The following PACSIN1 variants were observed in gnomAD, a reference collection of about 807,000 sequenced individuals.
The protein encoded by PACSIN1 is protein kinase C and casein kinase substrate in neurons 1.
Under a neutral mutation model 59.5 loss-of-function variants are expected in PACSIN1, and 15 were observed. The ratio of observed to expected loss-of-function variants is 0.25; its 90% CI spans 0.17 to 0.39. The LOEUF is 0.39. PACSIN1 is among the 10% of genes least tolerant of loss of function. The probability of loss-of-function intolerance (pLI) is 1.00; values close to 1 mark genes in which losing one functional copy is unlikely to be tolerated. For missense variants in PACSIN1, 420 were observed against 580.2 expected, an observed-to-expected ratio of 0.72 and a Z score of 2.84; for synonymous variants, 210 against 220.6, an observed-to-expected ratio of 0.95 and a Z score of 0.42.
intron 1 of PACSIN1, among the ~76,000 whole-genome samples, chr6:34,497,021 T>C (rs1263089158): frequency 7.1e-6 from 1 of 141,750 alleles, no homozygotes; most frequent in Non-Finnish European, 1.5e-5. Flanking sequence ...CAATCTCGGC[T>C]CACTGCATCC....
rs1478505446 is a variant in PACSIN1 at position 34,488,100 on chromosome 6, G to A, written c.-64+21830G>A. Reference sequence around the variant, plus strand: ...TCCCTCTTCAATGACCCTGACCTTGGCCAGCACCTCTGTTGGTCTGGGTGG... The same window carrying A: ...TCCCTCTTCAATGACCCTGACCTTGACCAGCACCTCTGTTGGTCTGGGTGG... On this transcript the variant is annotated intron_variant, in intron 1 of 9. Transcript: ENST00000244458. This position sits in a 1 kb window ranked among gnomAD's most constrained non-coding sequence, Gnocchi z 4.7. 2.6e-5 allele frequency among the ~76,000 whole-genome samples: 4 copies of A among 152,128 alleles called. No individual in the cohort carries two copies. Among genetic ancestry groups the A allele is most frequent in the Non-Finnish European group, 4.4e-5 (3 of 68,028 alleles).
At position 34,525,795 on chromosome 6, in the gene PACSIN1, G is replaced by A. The variant is rs1025703397; in HGVS notation, c.-63-448G>A. 4.1e-5 allele frequency among the ~76,000 whole-genome samples: 6 copies of A among 146,872 alleles called. No homozygotes were observed. The highest frequency in any genetic ancestry group is 2.2e-4 in the South Asian group (1 of 4,470). On this transcript the variant is annotated intron_variant, in intron 1 of 9. Coordinates refer to ENST00000244458, the MANE Select transcript of PACSIN1 (RefSeq NM_020804.5). This position sits in a 1 kb window ranked among gnomAD's most constrained non-coding sequence, Gnocchi z 4.9. ...CATAGATCTCGGTGGTGTGACCTGT[G>A]GGCCAGGACACCACACATTTGGGAC...
intron 1 of PACSIN1, among the ~76,000 whole-genome samples, chr6:34,487,171 A>C (rs956703085): frequency 6.6e-6 from 1 of 152,078 alleles, no homozygotes; most frequent in African/African-American, 2.4e-5. Flanking sequence ...ACCCTGTCTC[A>C]ATCAGTCAAT....
chr6:34,470,821 G>T (rs1472418083), intron 1 of PACSIN1, among the ~76,000 whole-genome samples: 1 of 152,060 alleles, frequency 6.6e-6, no homozygotes, highest in Non-Finnish European at 1.5e-5. Flanking sequence ...CAACAAATGT[G>T]TTTTTGTTGT....
In PACSIN1 at chr6:34,527,459, C is replaced by A. The variant is rs1161563472; in HGVS notation, c.191C>A (p.Ala64Asp). ...KAYGQQLTDW[A>D]KRWRQLIEKG... is the part of the protein sequence containing the mutation. The stretch of plus-strand genomic sequence containing the variant: ...TACGGGCAGCAGCTCACCGACTGGG[C>A]CAAGCGTTGGCGCCAGCTCATCGAG... The change falls in exon 3 of 10, where the codon GCC becomes GAC. Residue 64 changes from alanine (A) to aspartate (D), a missense_variant. Coordinates refer to ENST00000244458, the MANE Select transcript of PACSIN1 (RefSeq NM_020804.5). The A allele has an allele frequency of 6.3e-7, 1 of 1,595,892 alleles. No individual in the cohort carries two copies.
rs1199644495 is a variant in PACSIN1 at position 34,531,869 on chromosome 6, A to G, written c.1225+82A>G. ...TGGTGGTGCAGGGGCGGTGCCTGAG[A>G]GAGAAGCTTGGGTCTGGATTGGGTG... On this transcript the variant is annotated intron_variant, in intron 9 of 9. Coordinates refer to ENST00000244458, the MANE Select transcript of PACSIN1 (RefSeq NM_020804.5). This position sits in a 1 kb window ranked among gnomAD's most constrained non-coding sequence, Gnocchi z 4.4. 2.0e-5 allele frequency: 27 copies of G among 1,358,564 alleles called. No homozygotes were observed. Among genetic ancestry groups the G allele is most frequent in the Middle Eastern group, 2.1e-4 (1 of 4,780 alleles). The allele number at this position is 1,358,564 out of a possible 1,614,324, so 84.2% of individuals were successfully genotyped here.
chr6:34,523,841 A>T (rs2127271377), intron 1 of PACSIN1, among the ~76,000 whole-genome samples: 1 of 152,354 alleles, frequency 6.6e-6, no homozygotes, highest in Admixed American at 6.5e-5. Context: ...ACGGGGGTCC[A>T]CATGCTGTCT....
At chr6:34,489,246 C>T (rs927868799) in intron 1 of PACSIN1, among the ~76,000 whole-genome samples, 19 of 151,768 alleles carry the variant, frequency 1.3e-4, no homozygotes, top group Middle Eastern at 3.2e-3. Context: ...TGTGGAATGT[C>T]TAAATCAAGC....
intron 1 of PACSIN1, among the ~76,000 whole-genome samples, chr6:34,523,477 G>A (rs1767432097): frequency 6.6e-6 from 1 of 152,228 alleles, no homozygotes; most frequent in Non-Finnish European, 1.5e-5. Flanking sequence ...CATGTGAATG[G>A]TATGTGCCCA....
intron 1 of PACSIN1, among the ~76,000 whole-genome samples, chr6:34,471,980 T>C (rs1317439035): frequency 6.6e-6 from 1 of 152,154 alleles, no homozygotes. Flanking sequence ...GCGGAGCTTA[T>C]TACCAGTGTG....
chr6:34,510,318 A>G lies in PACSIN1; in HGVS notation c.-63-15925A>G, dbSNP rs1016388541. 3.9e-5 allele frequency among the ~76,000 whole-genome samples: 6 copies of G among 152,316 alleles called. No individual in the cohort carries two copies. The East Asian group carries it at 1.2e-3, about 29-fold the overall frequency. ...GTTTGGATCCCTTTCTCCCCGTGCT[A>G]AAAAATACCAATGGCTTCCCTTCAT... On this transcript the variant is annotated intron_variant, in intron 1 of 9. Transcript: ENST00000244458.
intron 1 of PACSIN1, among the ~76,000 whole-genome samples, chr6:34,504,284 ATATATATTTT>A (rs1239358853): frequency 1.2e-5 from 1 of 80,136 alleles, no homozygotes. Flanking sequence ...ATATATATAT[ATATATATTTT>A]TTTTTTTTTT....
intron 1 of PACSIN1, among the ~76,000 whole-genome samples, chr6:34,522,466 G>A (rs1052053328): frequency 3.3e-5 from 5 of 152,166 alleles, no homozygotes; most frequent in African/African-American, 1.2e-4. Flanking sequence ...TCCAGACCCT[G>A]GGCTCAAATC....
chr6:34,511,095 T>C (rs562185076), intron 1 of PACSIN1, among the ~76,000 whole-genome samples: 1 of 152,314 alleles, frequency 6.6e-6, no homozygotes, highest in South Asian at 2.1e-4. Flanking sequence ...CTCCCTGAGG[T>C]TATGGACATC....
intron 1 of PACSIN1, among the ~76,000 whole-genome samples, chr6:34,485,546 C>T (rs1425219544): frequency 6.6e-6 from 1 of 152,144 alleles, no homozygotes; most frequent in Non-Finnish European, 1.5e-5. Context: ...CAAAGGCCAG[C>T]GTTGGAGCAG....
intron 1 of PACSIN1, among the ~76,000 whole-genome samples, chr6:34,509,371 C>T (rs1352851596): frequency 6.6e-6 from 1 of 152,128 alleles, no homozygotes; most frequent in Non-Finnish European, 1.5e-5. Flanking sequence ...CATTCTGTTC[C>T]ATTGGTCTGT....
At chr6:34,469,004 C>A (rs115671410) in intron 1 of PACSIN1, among the ~76,000 whole-genome samples, 5 of 152,136 alleles carry the variant, frequency 3.3e-5, no homozygotes, top group African/African-American at 1.2e-4. Flanking sequence ...GAAGTTTGCA[C>A]GTATCCCCAC....
chr6:34,473,111 A>G (rs1403799983), intron 1 of PACSIN1, among the ~76,000 whole-genome samples: 1 of 151,122 alleles, frequency 6.6e-6, no homozygotes, highest in Non-Finnish European at 1.5e-5. Context: ...AGGAATGGGG[A>G]TAATCTCTTG....
chr6:34,509,002 G>A (rs1287947547), intron 1 of PACSIN1, among the ~76,000 whole-genome samples: 4 of 152,048 alleles, frequency 2.6e-5, no homozygotes, highest in African/African-American at 9.7e-5. Context: ...CAGTGCTTAG[G>A]CTTTTTAGTT....
Sources: allele counts gnomAD v4.1 joint callset (sites outside exome capture counted in the v4.1 genomes callset), GRCh38; gene constraint gnomAD v4.1.1; non-coding constraint Gnocchi (gnomAD v3.1); transcripts MANE v1.5; gene names NCBI Gene and HGNC (gene_info 2026-07-23, HGNC 2026-07-21).